Variants in CMTM8 observed in about 807,000 individuals in gnomAD.
CMTM8 encodes CKLF-like MARVEL transmembrane domain-containing protein 8.
CMTM8 carries 12 observed loss-of-function variants against 18.6 expected under a neutral mutation model. That is an observed-to-expected ratio of 0.65 (90% CI 0.41 to 1.05). The LOEUF is 1.05. Ranked by LOEUF, CMTM8 falls within the 50% of genes least tolerant of loss-of-function variation. CMTM8 has a pLI of 0.00. For missense variants in CMTM8, 217 were observed against 227.2 expected (o/e 0.95, Z 0.29); for synonymous variants, 87 against 90.6 (o/e 0.96, Z 0.23).
chr3:32,332,637 C>T (rs935905120), intron 1 of CMTM8, among the ~76,000 whole-genome samples: 7 of 152,084 alleles, frequency 4.6e-5, no homozygotes, highest in Admixed American at 6.5e-5. Context: ...CACGCTCAGC[C>T]GCCTCAATCC....
In CMTM8 at chr3:32,333,844, C is replaced by T. The variant is rs138415964; in HGVS notation, c.148-23529C>T. 3.3e-4 allele frequency among the ~76,000 whole-genome samples: 50 copies of T among 152,104 alleles called. 1 individual carries two copies. In the East Asian group the frequency reaches 9.7e-3, roughly 29 times the overall value. On this transcript the variant is annotated intron_variant, in intron 1 of 3. Transcript: ENST00000307526. ...GAATGCCTACCACCATGAGTGAACC[C>T]TAATGTAAACTATGGGCTTTGGTCA...
intron 1 of CMTM8, among the ~76,000 whole-genome samples, chr3:32,304,505 A>T (rs933636540): frequency 2.6e-5 from 4 of 152,244 alleles, no homozygotes; most frequent in South Asian, 4.1e-4. Flanking sequence ...GAAATGAATG[A>T]TGTGAGTGCT....
intron 1 of CMTM8, among the ~76,000 whole-genome samples, chr3:32,256,963 T>TC (rs1702181585): frequency 6.6e-6 from 1 of 152,184 alleles, no homozygotes; most frequent in African/African-American, 2.4e-5. Context: ...CTTTTTTCCC[T>TC]CCCTAGAAGC....
At chr3:32,369,375 G>T (rs191913543) in intron 3 of CMTM8, among the ~76,000 whole-genome samples, 1 of 152,092 alleles carries the variant, frequency 6.6e-6, no homozygotes, top group Admixed American at 6.6e-5. Flanking sequence ...CACAAGCTTC[G>T]TCAAGACTGG....
intron 1 of CMTM8, among the ~76,000 whole-genome samples, chr3:32,344,048 A>G (rs896997557): frequency 1.3e-5 from 2 of 152,206 alleles, no homozygotes; most frequent in African/African-American, 4.8e-5. Context: ...TATGTGCCAT[A>G]TTAAATGTAC....
At chr3:32,333,391 C>T (rs1696319133) in intron 1 of CMTM8, among the ~76,000 whole-genome samples, 1 of 152,174 alleles carries the variant, frequency 6.6e-6, no homozygotes, top group South Asian at 2.1e-4. Flanking sequence ...GCACGGGCAT[C>T]ACCAGAAAGC....
intron 1 of CMTM8, among the ~76,000 whole-genome samples, chr3:32,324,375 GCCTTTCCTT>G (rs1310215027): frequency 2.0e-5 from 3 of 152,130 alleles, no homozygotes; most frequent in African/African-American, 7.2e-5. Flanking sequence ...GGTTCCCTGG[GCCTTTCCTT>G]CCAAAAGAGA....
intron 3 of CMTM8, among the ~76,000 whole-genome samples, chr3:32,369,302 G>A (rs565433692): frequency 3.0e-4 from 45 of 152,264 alleles, no homozygotes; most frequent in African/African-American, 8.7e-4. Flanking sequence ...CAACAAGAGC[G>A]AAACTCCGTC....
At chr3:32,318,976 A>G (rs1314338523) in intron 1 of CMTM8, among the ~76,000 whole-genome samples, 2 of 148,738 alleles carry the variant, frequency 1.3e-5, no homozygotes, top group East Asian at 2.0e-4. Flanking sequence ...GTCCATAAAT[A>G]TTTTCATAGG....
At chr3:32,275,665 T>TGG (rs1277433608) in intron 1 of CMTM8, among the ~76,000 whole-genome samples, 13 of 103,614 alleles carry the variant, frequency 1.3e-4, no homozygotes, top group African/African-American at 3.6e-4. Flanking sequence ...TTTTTTTTTT[T>TGG]TGGGGACAGA....
chr3:32,255,078 T>C (rs1575146888), intron 1 of CMTM8, among the ~76,000 whole-genome samples: 1 of 152,230 alleles, frequency 6.6e-6, no homozygotes, highest in African/African-American at 2.4e-5. Flanking sequence ...GATTTATCCA[T>C]GTTGTGGCAT....
chr3:32,305,232 C>CTT (rs397693052), intron 1 of CMTM8, among the ~76,000 whole-genome samples: 11,364 of 127,426 alleles, frequency 0.089, 900 homozygotes, highest in East Asian at 0.39. Flanking sequence ...TGACTGGAGG[C>CTT]TTTTTTTTTT....
chr3:32,247,776 T>A (rs1273440838), intron 1 of CMTM8, among the ~76,000 whole-genome samples: 1 of 152,216 alleles, frequency 6.6e-6, no homozygotes, highest in Non-Finnish European at 1.5e-5. Flanking sequence ...TTTTCTCTTT[T>A]AAAAATTTTT....
At chr3:32,316,451 T>C (rs1695933506) in intron 1 of CMTM8, among the ~76,000 whole-genome samples, 2 of 152,262 alleles carry the variant, frequency 1.3e-5, no homozygotes, top group South Asian at 2.1e-4. Context: ...CCTTGGTGTT[T>C]ACACATTGTG....
At chr3:32,357,300 T>G in intron 1 of CMTM8, 73 bp from the exon 2 acceptor site, 16 of 1,071,616 alleles carry the variant, frequency 1.5e-5, no homozygotes, top group East Asian at 2.4e-5. Context: ...TTTTTTTTCT[T>G]TGTCCCTCCT....
chr3:32,294,328 CA>C (rs5847752), intron 1 of CMTM8, among the ~76,000 whole-genome samples: 4,469 of 152,284 alleles, frequency 0.029, 229 homozygotes, highest in African/African-American at 0.1. Context: ...TCACTTTAGA[CA>C]TTTTCACATC....
intron 1 of CMTM8, among the ~76,000 whole-genome samples, chr3:32,248,464 C>T (rs1375214916): frequency 1.3e-5 from 2 of 152,064 alleles, no homozygotes; most frequent in African/African-American, 2.4e-5. Flanking sequence ...CCAGTTTAAG[C>T]GATTCTCCTG....
At chr3:32,260,892 T>A (rs2125537271) in intron 1 of CMTM8, among the ~76,000 whole-genome samples, 2 of 152,270 alleles carry the variant, frequency 1.3e-5, no homozygotes, top group East Asian at 3.9e-4. Context: ...TGTCTTAGTA[T>A]TCATTCTTAA....
intron 1 of CMTM8, among the ~76,000 whole-genome samples, chr3:32,345,284 A>G (rs1380945935): frequency 6.6e-6 from 1 of 152,154 alleles, no homozygotes; most frequent in East Asian, 1.9e-4. Context: ...GAGCCCAGGG[A>G]GGTTGAGGCT....
Sources: gnomAD v4.1 joint callset for allele counts (sites outside exome capture counted in the v4.1 genomes callset) on GRCh38, gnomAD v4.1.1 for gene constraint, MANE v1.5 for transcripts, NCBI Gene and HGNC (gene_info 2026-07-23, HGNC 2026-07-21) for gene names.